The following SAFB variants were observed in gnomAD, a reference collection of about 807,000 sequenced individuals.
SAFB encodes the protein scaffold attachment factor B, also known as scaffold attachment factor B1.
A neutral mutation model predicts 101.6 loss-of-function variants in SAFB; 15 were observed. The observed-to-expected ratio is 0.15, with a 90% CI of 0.10 to 0.23. SAFB has a LOEUF of 0.23. Among genes scored for constraint, SAFB ranks in the 10% least tolerant of loss-of-function variants. The pLI, the probability that SAFB is intolerant of heterozygous loss-of-function variation, is 1.00. For synonymous variants in SAFB, 449 were observed against 407.5 expected (o/e 1.10, Z -1.23); for missense variants, 930 against 1,104.1 (o/e 0.84, Z 2.23).
Position 5,623,341 on chromosome 19 carries a change from C to T in SAFB, c.136C>T (p.Arg46Trp). The change falls in exon 1 of 21, where the codon CGG becomes TGG. Residue 46 changes from arginine (R) to tryptophan (W), a missense_variant. Transcript: ENST00000588852. ...CGATCTGCGGGCGGAGCTGAGGAAACGGAATGTGGACTCGAGCGGCAACAA... is the reference window on the plus strand; with the variant it reads ...CGATCTGCGGGCGGAGCTGAGGAAATGGAATGTGGACTCGAGCGGCAACAA... ...VIDLRAELRK[R>W]NVDSSGNKSV... 2 of 1,614,034 alleles carry T rather than the reference C, an allele frequency of 1.2e-6. No individual in the cohort carries two copies. The highest frequency in any genetic ancestry group is 1.7e-6 in the Non-Finnish European group (2 of 1,179,906).
chr19:5,658,462 G>T (rs994810021), intron 14 of SAFB, among the ~76,000 whole-genome samples: 1 of 152,224 alleles, frequency 6.6e-6, no homozygotes, highest in African/African-American at 2.4e-5. Flanking sequence ...GGAGGCCGAG[G>T]CTGGTGGATC....
Position 5,668,401 on chromosome 19 carries a change from C to G in SAFB, c.*110C>G. ...TTTAATCTGCTGCCATATTGTAGCT[C>G]AATACAATGTGAATTTGTTTTTCGT... On this transcript the variant is annotated 3_prime_UTR_variant, in exon 21 of 21. Coordinates refer to ENST00000588852, the MANE Select transcript of SAFB (RefSeq NM_001201338.2). The G allele has an allele frequency of 1.7e-6, 2 of 1,155,910 alleles. No individual in the cohort carries two copies. Among genetic ancestry groups the G allele is most frequent in the Non-Finnish European group, 2.4e-6 (2 of 844,172 alleles). The allele number at this position is 1,155,910 out of a possible 1,614,324, so 71.6% of individuals were successfully genotyped here.
intron 4 of SAFB, among the ~76,000 whole-genome samples, chr19:5,644,325 G>A (rs937788476): frequency 2.0e-5 from 3 of 152,266 alleles, no homozygotes; most frequent in South Asian, 2.1e-4. Flanking sequence ...GTACCACCAC[G>A]AATACAGTTT....
intron 3 of SAFB, 37 bp from the exon 4 acceptor site, chr19:5,641,703 G>T: frequency 6.2e-7 from 1 of 1,612,992 alleles, no homozygotes; most frequent in Non-Finnish European, 8.5e-7. Flanking sequence ...ATGGACCAGT[G>T]GCGGTCACAT....
In SAFB at chr19:5,668,428, T is replaced by G. The variant is rs1236945265; in HGVS notation, c.*137T>G. The G allele has an allele frequency of 3.0e-6, 3 of 993,090 alleles. No individual in the cohort carries two copies. The African/African-American group carries it at 5.2e-5, about 17-fold the overall frequency. The allele number at this position is 993,090 out of a possible 1,614,324, so 61.5% of individuals were successfully genotyped here. A position where few individuals can be genotyped will look rare whatever the true frequency, so the allele number is the denominator to read the frequency against. ...ATACAATGTGAATTTGTTTTTCGTT[T>G]TGGGGTTTTTTTTTTTTGTAATAAA... is the stretch of plus-strand genomic sequence containing the variant. On this transcript the variant is annotated 3_prime_UTR_variant, in exon 21 of 21. Transcript: ENST00000588852.
rs112359971 is a variant in SAFB at position 5,661,797 on chromosome 19, C to T, written c.2142C>T (p.Tyr714=). ...GGCGGCCCGCGGTGCGGCGGCCCTA[C>T]GACCTGGACCGGTAAGCAGATCCAT... is the stretch of plus-strand genomic sequence containing the variant. ...QERRPAVRRP[Y]DLDRRDDAYW... is the part of the protein sequence containing the mutation. The change falls in exon 15 of 21, where the codon TAC becomes TAT. Residue 714 remains tyrosine (Y), a synonymous_variant. Transcript: ENST00000588852. 7 of 1,545,144 alleles carry T rather than the reference C, an allele frequency of 4.5e-6. No individual in the cohort carries two copies. Among genetic ancestry groups the T allele is most frequent in the East Asian group, 2.4e-5 (1 of 41,678 alleles).
chr19:5,656,626 G>A (rs1464673794), intron 13 of SAFB, among the ~76,000 whole-genome samples: 1 of 148,792 alleles, frequency 6.7e-6, no homozygotes, highest in Non-Finnish European at 1.5e-5. Context: ...GCCCACACTG[G>A]AGTGTAGTGG....
At position 5,667,263 on chromosome 19, in the gene SAFB, A is replaced by C; in HGVS notation, c.2454-84A>C. Reference sequence around the variant, plus strand: ...GGCACAGGGTGGGAAACACAGAGGGATTCACTCTCCAGAAGCCGCCACAGT... The same window carrying C: ...GGCACAGGGTGGGAAACACAGAGGGCTTCACTCTCCAGAAGCCGCCACAGT... On this transcript the variant is annotated intron_variant, in intron 18 of 20. Transcript: ENST00000588852. The surrounding 1 kb of genome is among the most constrained non-coding windows in gnomAD (Gnocchi z 4.0). The C allele has an allele frequency of 1.6e-6, 2 of 1,265,256 alleles. No individual in the cohort carries two copies. Among genetic ancestry groups the C allele is most frequent in the Non-Finnish European group, 2.2e-6 (2 of 924,352 alleles). The allele number at this position is 1,265,256 out of a possible 1,614,324, so 78.4% of individuals were successfully genotyped here.
In SAFB at chr19:5,667,477, A is replaced by G. The variant is rs1188446737; in HGVS notation, c.2557+27A>G. 6.9e-7 allele frequency: 1 copy of G among 1,455,384 alleles called. No homozygotes were observed. Among genetic ancestry groups the G allele is most frequent in the Non-Finnish European group, 9.2e-7 (1 of 1,081,348 alleles). The allele number at this position is 1,455,384 out of a possible 1,614,324, so 90.2% of individuals were successfully genotyped here. A position where few individuals can be genotyped will look rare whatever the true frequency, so the allele number is the denominator to read the frequency against. ...TGAGGAGCAGCTCTGGGCTGGGACCAGGATGTGCTGGGGAGTGATGGAAAG... is the reference window on the plus strand; with the variant it reads ...TGAGGAGCAGCTCTGGGCTGGGACCGGGATGTGCTGGGGAGTGATGGAAAG... On this transcript the variant is annotated intron_variant, in intron 19 of 20. Coordinates refer to ENST00000588852, the MANE Select transcript of SAFB (RefSeq NM_001201338.2). The surrounding 1 kb of genome is among the most constrained non-coding windows in gnomAD (Gnocchi z 4.0).
chr19:5,643,914 T>C (rs922526726), intron 4 of SAFB, among the ~76,000 whole-genome samples: 2 of 152,082 alleles, frequency 1.3e-5, no homozygotes, highest in East Asian at 3.9e-4. Flanking sequence ...AATTTCTGTG[T>C]GTCCCTGGAC....
At chr19:5,631,760 CAG>C (rs988808111) in intron 2 of SAFB, among the ~76,000 whole-genome samples, 10 of 152,172 alleles carry the variant, frequency 6.6e-5, no homozygotes, top group East Asian at 1.9e-4. Context: ...AAATAATTAT[CAG>C]GGGCTGTGCG....
intron 2 of SAFB, among the ~76,000 whole-genome samples, chr19:5,630,257 T>G (rs1298128340): frequency 1.3e-5 from 2 of 152,248 alleles, no homozygotes; most frequent in Non-Finnish European, 2.9e-5. Flanking sequence ...CTTCTGATAA[T>G]TGGACATTTG....
chr19:5,640,995 T>A (rs1472792450), intron 2 of SAFB, among the ~76,000 whole-genome samples: 1 of 151,590 alleles, frequency 6.6e-6, no homozygotes, highest in Non-Finnish European at 1.5e-5. Flanking sequence ...AGTGGCGCAG[T>A]CTCGGCTCAG....
chr19:5,667,258 G>A lies in SAFB; in HGVS notation c.2454-89G>A, dbSNP rs2054352422. 7.9e-7 allele frequency: 1 copy of A among 1,261,810 alleles called. No homozygotes were observed. The highest frequency in any genetic ancestry group is 2.5e-5 in the East Asian group (1 of 39,404). The allele number at this position is 1,261,810 out of a possible 1,614,324, so 78.2% of individuals were successfully genotyped here. A position where few individuals can be genotyped will look rare whatever the true frequency, so the allele number is the denominator to read the frequency against. On this transcript the variant is annotated intron_variant, in intron 18 of 20. Transcript: ENST00000588852. This position sits in a 1 kb window ranked among gnomAD's most constrained non-coding sequence, Gnocchi z 4.0. ...ATGTGGGCACAGGGTGGGAAACACA[G>A]AGGGATTCACTCTCCAGAAGCCGCC...
chr19:5,662,087 G>T (rs558957352), intron 15 of SAFB, among the ~76,000 whole-genome samples: 36 of 152,174 alleles, frequency 2.4e-4, no homozygotes, highest in African/African-American at 8.4e-4. Flanking sequence ...GGGTTTCACT[G>T]TGTTAGCCAG....
chr19:5,660,961 T>TTC (rs1179203981), intron 14 of SAFB, among the ~76,000 whole-genome samples: 4 of 144,928 alleles, frequency 2.8e-5, no homozygotes, highest in Non-Finnish European at 4.5e-5. Flanking sequence ...TTTTTTTTTT[T>TTC]TTCTGTTGCC....
chr19:5,646,196 T>C (rs927977354), intron 5 of SAFB, among the ~76,000 whole-genome samples: 17 of 152,322 alleles, frequency 1.1e-4, no homozygotes, highest in African/African-American at 3.6e-4. Flanking sequence ...TTTTCCCGTC[T>C]TCTTTTTAAA....
intron 5 of SAFB, 145 bp from the exon 6 acceptor site, chr19:5,647,871 A>C: frequency 1.3e-6 from 1 of 743,096 alleles, no homozygotes; most frequent in East Asian, 2.7e-5. Flanking sequence ...CCATTCCTAG[A>C]ACAAGCAGGT....
At chr19:5,658,666 A>G (rs1181425608) in intron 14 of SAFB, among the ~76,000 whole-genome samples, 5 of 150,994 alleles carry the variant, frequency 3.3e-5, no homozygotes, top group Non-Finnish European at 7.4e-5. Flanking sequence ...ACACGGTGAA[A>G]CCCTGTCTCT....
Sources: gnomAD v4.1 joint callset for allele counts (sites outside exome capture counted in the v4.1 genomes callset) on GRCh38, gnomAD v4.1.1 for gene constraint, Gnocchi (gnomAD v3.1) non-coding constraint, MANE v1.5 for transcripts, NCBI Gene and HGNC (gene_info 2026-07-23, HGNC 2026-07-21) for gene names.